Variants in IFT43 observed in about 807,000 individuals in gnomAD.
IFT43 encodes the protein intraflagellar transport 43.
IFT43 carries 33 observed loss-of-function variants against 32.3 expected under a neutral mutation model. The observed-to-expected ratio is 1.02, with a 90% CI of 0.77 to 1.37. The LOEUF is 1.37. Among genes scored for constraint, IFT43 ranks in the 40% most tolerant of loss-of-function variants. The pLI is 0.00. For synonymous variants in IFT43, 93 were observed against 98.2 expected, an observed-to-expected ratio of 0.95 and a Z score of 0.31; for missense variants, 274 against 265.9, an observed-to-expected ratio of 1.03 and a Z score of -0.21.
intron 4 of IFT43, chr14:76,058,886 C>G: frequency 6.7e-7 from 1 of 1,482,990 alleles, no homozygotes; most frequent in South Asian, 1.4e-5. Flanking sequence ...TGTCCTATCT[C>G]CCACTGTGTG....
At chr14:76,057,644 A>G (rs1280243047) in intron 3 of IFT43, among the ~76,000 whole-genome samples, 4 of 152,024 alleles carry the variant, frequency 2.6e-5, no homozygotes, top group Admixed American at 6.6e-5. Flanking sequence ...CTCGAAACCA[A>G]TTCTTACTGG....
intron 3 of IFT43, among the ~76,000 whole-genome samples, chr14:76,026,171 C>T (rs1294433453): frequency 1.3e-5 from 2 of 152,068 alleles, no homozygotes; most frequent in African/African-American, 4.8e-5. Context: ...TACATGCAGC[C>T]AACAAGCTCA....
At chr14:76,026,080 A>G (rs1027697207) in intron 3 of IFT43, among the ~76,000 whole-genome samples, 3 of 152,198 alleles carry the variant, frequency 2.0e-5, no homozygotes, top group Non-Finnish European at 4.4e-5. Context: ...TAGCATCTAT[A>G]AAGAACTTAA....
Position 76,015,299 on chromosome 14 carries a change from C to G in IFT43, c.148-7028C>G, listed in dbSNP as rs145813201. Among the ~76,000 whole-genome samples the G allele has an allele frequency of 2.8e-3, 420 of 152,260 alleles. 4 individuals carry two copies. Among genetic ancestry groups the G allele is most frequent in the African/African-American group, 9.6e-3 (399 of 41,548 alleles). On this transcript the variant is annotated intron_variant, in intron 2 of 8. Transcript: ENST00000314067. ...TTTCCCTCAGGAGATAGGCATTTCC[C>G]TCTAAATGCCCAAGCCTACTTTGCA...
At chr14:76,081,681 G>A (rs2037512496) in intron 5 of IFT43, among the ~76,000 whole-genome samples, 1 of 152,210 alleles carries the variant, frequency 6.6e-6, no homozygotes, top group Non-Finnish European at 1.5e-5. Flanking sequence ...AAGCATGATT[G>A]TAGAATCAGC....
chr14:76,028,389 A>G (rs972294045), intron 3 of IFT43, among the ~76,000 whole-genome samples: 1 of 152,130 alleles, frequency 6.6e-6, no homozygotes. Context: ...GTTTTCCTAT[A>G]AAGAAGAATT....
intron 2 of IFT43, among the ~76,000 whole-genome samples, chr14:75,997,179 A>T (rs542411077): frequency 0.018 from 2,696 of 152,002 alleles, 74 homozygotes; most frequent in African/African-American, 0.062. Flanking sequence ...TCTGGAGACA[A>T]GAGAGAGAGC....
At chr14:75,999,277 ATATATTTTT>A (rs1328928313) in intron 2 of IFT43, among the ~76,000 whole-genome samples, 2 of 18,702 alleles carry the variant, frequency 1.1e-4, no homozygotes, top group African/African-American at 3.7e-4. Flanking sequence ...ATATATGTAT[ATATATTTTT>A]TTTTTTTTTT....
intron 2 of IFT43, among the ~76,000 whole-genome samples, chr14:75,989,309 G>A (rs749264924): frequency 6.6e-6 from 1 of 152,006 alleles, no homozygotes; most frequent in Non-Finnish European, 1.5e-5. Context: ...AGGCAGACTG[G>A]TGACGTAAGG....
chr14:76,056,071 T>C (rs1422699261), intron 3 of IFT43, among the ~76,000 whole-genome samples: 2 of 152,118 alleles, frequency 1.3e-5, no homozygotes, highest in African/African-American at 4.8e-5. Context: ...GGCAATGAAT[T>C]TACATTAAAA....
At chr14:76,013,676 A>C in intron 2 of IFT43, 1 of 316,444 alleles carries the variant, frequency 3.2e-6, no homozygotes, top group Non-Finnish European at 6.2e-6. Context: ...ACAAATCCAA[A>C]ATGGCAGCCA....
rs889489191 is a variant in IFT43 at position 75,986,199 on chromosome 14, G to C, written c.54+359G>C. On this transcript the variant is annotated intron_variant, in intron 1 of 8. Transcript: ENST00000314067. ...GGGAGCCCCGGCCGGGGTCGCACTCGCTCCCATCCTAGAGTTTTTCCTTTG... is the reference window on the plus strand; with the variant it reads ...GGGAGCCCCGGCCGGGGTCGCACTCCCTCCCATCCTAGAGTTTTTCCTTTG... 3 of 1,312,654 alleles carry C rather than the reference G, an allele frequency of 2.3e-6. No individual in the cohort carries two copies. The African/African-American group carries it at 4.5e-5, about 20-fold the overall frequency. 81.3% of individuals were successfully genotyped at this position (1,312,654 alleles called of 1,614,324 possible). A position where few individuals can be genotyped will look rare whatever the true frequency, so the allele number is the denominator to read the frequency against.
chr14:75,998,290 A>G (rs532541093), intron 2 of IFT43, among the ~76,000 whole-genome samples: 1 of 152,278 alleles, frequency 6.6e-6, no homozygotes, highest in South Asian at 2.1e-4. Flanking sequence ...GGGATGATGT[A>G]TTCAACCTGC....
intron 3 of IFT43, among the ~76,000 whole-genome samples, chr14:76,024,563 A>C (rs2036354729): frequency 6.6e-6 from 1 of 152,274 alleles, no homozygotes; most frequent in African/African-American, 2.4e-5. Flanking sequence ...ACATAGGAAG[A>C]GTACTCAGCA....
intron 5 of IFT43, among the ~76,000 whole-genome samples, chr14:76,081,481 G>A (rs567864261): frequency 1.7e-4 from 26 of 152,292 alleles, no homozygotes; most frequent in African/African-American, 6.0e-4. Flanking sequence ...GTTTCTTTAG[G>A]ATGTTAGGTT....
chr14:75,986,033 G>C, intron 1 of IFT43, 193 bp downstream of exon 1: 1 of 1,523,930 alleles, frequency 6.6e-7, no homozygotes, highest in East Asian at 2.5e-5. Flanking sequence ...CCTGGGGTTT[G>C]CTTTCTTTAA....
At chr14:75,999,247 A>ATAAATTCATTT (rs2035812957) in intron 2 of IFT43, among the ~76,000 whole-genome samples, 56 of 59,522 alleles carry the variant, frequency 9.4e-4, no homozygotes, top group African/African-American at 1.5e-3. Flanking sequence ...ATATATATAT[A>ATAAATTCATTT]TATATATATA....
At chr14:76,002,390 C>T (rs1330407531) in intron 2 of IFT43, among the ~76,000 whole-genome samples, 1 of 151,880 alleles carries the variant, frequency 6.6e-6, no homozygotes, top group Non-Finnish European at 1.5e-5. Context: ...ATGATGTCAT[C>T]GACCTTGGGA....
At position 76,063,234 on chromosome 14, in the gene IFT43, C is replaced by T. The variant is rs147604964; in HGVS notation, c.295+3861C>T. 3.1e-3 allele frequency among the ~76,000 whole-genome samples: 475 copies of T among 152,278 alleles called. 6 individuals carry two copies. The highest frequency in any genetic ancestry group is 0.011 in the African/African-American group (453 of 41,554). On this transcript the variant is annotated intron_variant, in intron 5 of 8. Coordinates refer to ENST00000314067, the MANE Select transcript of IFT43 (RefSeq NM_001102564.3). ...ATAATGCAGTCTATGGCCATACCAC[C>T]CTGAACGCGCCAGATCTCGTCTGAA...
Sources: gnomAD v4.1 joint callset for allele counts (sites outside exome capture counted in the v4.1 genomes callset) on GRCh38, gnomAD v4.1.1 for gene constraint, MANE v1.5 for transcripts, NCBI Gene and HGNC (gene_info 2026-07-23, HGNC 2026-07-21) for gene names.